AAK1: variants seen among roughly 807,000 people sequenced by gnomAD.
AAK1 encodes AP2 associated kinase 1, also known as AP2-associated protein kinase 1.
A neutral mutation model predicts 116.0 loss-of-function variants in AAK1; 37 were observed. The ratio of observed to expected loss-of-function variants is 0.32; its 90% CI spans 0.25 to 0.42. The LOEUF (loss-of-function observed/expected upper bound fraction) is 0.42, where lower values mean the gene tolerates loss of function less well. Among genes scored for constraint, AAK1 ranks in the 10% least tolerant of loss-of-function variants. The pLI, the probability that AAK1 is intolerant of heterozygous loss-of-function variation, is 1.00. For missense variants in AAK1, 919 were observed against 1,170.6 expected (o/e 0.79, Z 3.14); for synonymous variants, 458 against 439.9 (o/e 1.04, Z -0.51).
intron 5 of AAK1, among the ~76,000 whole-genome samples, chr2:69,538,362 C>G (rs948493081): frequency 1.3e-5 from 2 of 152,174 alleles, no homozygotes; most frequent in African/African-American, 2.4e-5. Flanking sequence ...GGCTGGGGCC[C>G]GCTGCCTTAG....
intron 3 of AAK1, among the ~76,000 whole-genome samples, chr2:69,546,036 A>G (rs1670911266): frequency 1.3e-5 from 2 of 152,116 alleles, no homozygotes; most frequent in Admixed American, 6.6e-5. Flanking sequence ...ATTGACGGAA[A>G]AAGTCCTATA....
At chr2:69,482,360 A>C (rs992068852) in intron 18 of AAK1, 22 of 517,512 alleles carry the variant, frequency 4.3e-5, no homozygotes, top group Admixed American at 2.6e-4. Context: ...CTCAAACAAA[A>C]AAAAAAAAAA....
chr2:69,568,425 C>CTTTTTTTTT lies in AAK1; in HGVS notation c.164-11456_164-11448dup, dbSNP rs61271799. Among the ~76,000 whole-genome samples, 9 of 122,202 alleles carry CTTTTTTTTT rather than the reference C, an allele frequency of 7.4e-5. No homozygotes were observed. In the South Asian group the frequency reaches 8.1e-4, roughly 11 times the overall value. The allele number at this position is 122,202 out of a possible 152,430, so 80.2% of individuals were successfully genotyped here. On this transcript the variant is annotated intron_variant, in intron 2 of 21. Transcript: ENST00000409085. Reference sequence around the variant, plus strand: ...ATCAAAGGTATATAAATGTTTTCAACTTTTTTTTTTTTTTTTTTTTTTTAA... The same window carrying CTTTTTTTTT: ...ATCAAAGGTATATAAATGTTTTCAACTTTTTTTTTTTTTTTTTTTTTTTTTTTTTTTTAA...
chr2:69,481,036 A>G, intron 18 of AAK1, 75 bp from the exon 19 acceptor site: 1 of 1,236,770 alleles, frequency 8.1e-7, no homozygotes, highest in Non-Finnish European at 1.1e-6. Flanking sequence ...AAATTCTGTG[A>G]AGCTTTCTTC....
chr2:69,531,823 C>T (rs1670270899), intron 6 of AAK1: 5 of 1,261,296 alleles, frequency 4.0e-6, no homozygotes, highest in Non-Finnish European at 5.1e-6. Context: ...TGATAAAGTG[C>T]TCTAAGAGTC....
chr2:69,575,461 C>CA (rs1190898228), intron 2 of AAK1, among the ~76,000 whole-genome samples: 15 of 147,358 alleles, frequency 1.0e-4, no homozygotes, highest in African/African-American at 3.7e-4. Flanking sequence ...CCAAGATAAA[C>CA]AAATTTTTTT....
At chr2:69,520,358 CTTTTTT>C (rs71397334) in intron 11 of AAK1, among the ~76,000 whole-genome samples, 1 of 127,418 alleles carries the variant, frequency 7.8e-6, no homozygotes, top group Admixed American at 8.0e-5. Context: ...CAATTCTTTT[CTTTTTT>C]TTTTTTTTTT....
At chr2:69,509,161 T>A (rs527801865) in intron 14 of AAK1, 70 bp downstream of exon 14, 1 of 1,316,812 alleles carries the variant, frequency 7.6e-7, no homozygotes, top group Non-Finnish European at 1.1e-6. Context: ...ATGCAAAGAA[T>A]CACACACTAA....
intron 2 of AAK1, among the ~76,000 whole-genome samples, chr2:69,631,616 T>G (rs1675177493): frequency 6.6e-6 from 1 of 152,252 alleles, no homozygotes; most frequent in Admixed American, 6.5e-5. Context: ...CAGGAACTTG[T>G]CCTCTGCCAA....
At chr2:69,478,019 G>A (rs1231427082) in intron 20 of AAK1, among the ~76,000 whole-genome samples, 1 of 152,220 alleles carries the variant, frequency 6.6e-6, no homozygotes, top group East Asian at 1.9e-4. Context: ...AGCTACCTCT[G>A]TCCAGGATTT....
In AAK1 at chr2:69,467,761, A is replaced by T. The variant is rs920246459; in HGVS notation, c.*8108T>A. On this transcript the variant is annotated 3_prime_UTR_variant, in exon 22 of 22. Coordinates refer to ENST00000409085, the MANE Select transcript of AAK1 (RefSeq NM_014911.5). ...ATCCCCTGCTAAAGTTTCTGCATGA[A>T]TTAAGCACACAGACCACAGCAGAAG... is the stretch of plus-strand genomic sequence containing the variant. 1 of 985,456 alleles carries T rather than the reference A, an allele frequency of 1.0e-6. No homozygotes were observed. The allele number at this position is 985,456 out of a possible 1,614,324, so 61.0% of individuals were successfully genotyped here.
chr2:69,508,566 G>A (rs903036196), intron 14 of AAK1, among the ~76,000 whole-genome samples: 32 of 152,174 alleles, frequency 2.1e-4, no homozygotes, highest in African/African-American at 7.0e-4. Flanking sequence ...CATTGTCTTG[G>A]AGAACTCACA....
At chr2:69,560,339 T>C (rs947629567) in intron 2 of AAK1, among the ~76,000 whole-genome samples, 1 of 152,228 alleles carries the variant, frequency 6.6e-6, no homozygotes, top group Admixed American at 6.5e-5. Flanking sequence ...TTCAGGCTAT[T>C]ACGGAAGGAG....
chr2:69,518,227 A>G (rs1347622862), intron 12 of AAK1, among the ~76,000 whole-genome samples: 1 of 152,200 alleles, frequency 6.6e-6, no homozygotes, highest in Non-Finnish European at 1.5e-5. Context: ...CCAACTAAAT[A>G]CAATCTGTTA....
intron 1 of AAK1, 129 bp downstream of exon 1, chr2:69,643,446 C>G (rs545861787): frequency 8.4e-7 from 1 of 1,191,190 alleles, no homozygotes; most frequent in South Asian, 4.2e-5. Flanking sequence ...ACCCGGGACC[C>G]CCGAGCCGGG....
Position 69,589,365 on chromosome 2 carries a change from C to T in AAK1, c.164-32387G>A, listed in dbSNP as rs540456535. On this transcript the variant is annotated intron_variant, in intron 2 of 21. Transcript: ENST00000409085. Reference sequence around the variant, plus strand: ...TAGAAAGATCAGCAGGAAAAGGAGTCCTAGGGGCTGTGAACAGAATAGATG... The same window carrying T: ...TAGAAAGATCAGCAGGAAAAGGAGTTCTAGGGGCTGTGAACAGAATAGATG... Among the ~76,000 whole-genome samples the T allele has an allele frequency of 3.9e-5, 6 of 152,174 alleles. No homozygotes were observed. In the East Asian group the frequency reaches 1.2e-3, roughly 29 times the overall value.
In AAK1 at chr2:69,470,561, T is replaced by C; in HGVS notation, c.*5308A>G. On this transcript the variant is annotated 3_prime_UTR_variant, in exon 22 of 22. Coordinates refer to ENST00000409085, the MANE Select transcript of AAK1 (RefSeq NM_014911.5). ...CAATTAAATGAGTGAGTTTTCTCACTGGGGATAAAATTATTCTTGCCAACA... is the reference window on the plus strand; with the variant it reads ...CAATTAAATGAGTGAGTTTTCTCACCGGGGATAAAATTATTCTTGCCAACA... The C allele has an allele frequency of 1.0e-6, 1 of 985,420 alleles. No homozygotes were observed. 61.0% of individuals were successfully genotyped at this position (985,420 alleles called of 1,614,324 possible).
rs904769305 is a variant in AAK1, at chr2:69,470,887, T to C, written c.*4982A>G. 4.1e-6 allele frequency: 4 copies of C among 985,702 alleles called. No homozygotes were observed. The highest frequency in any genetic ancestry group is 4.8e-6 in the Non-Finnish European group (4 of 829,882). The allele number at this position is 985,702 out of a possible 1,614,324, so 61.1% of individuals were successfully genotyped here. On this transcript the variant is annotated 3_prime_UTR_variant, in exon 22 of 22. Transcript: ENST00000409085. ...TTCAGCTCAGGAAAAGAGCAACTTA[T>C]TTTAAGTTATTTACATCTCTAAACA...
chr2:69,578,228 A>G (rs1254303714), intron 2 of AAK1, among the ~76,000 whole-genome samples: 1 of 152,204 alleles, frequency 6.6e-6, no homozygotes, highest in Admixed American at 6.5e-5. Context: ...AGTGCGGAAA[A>G]TGTTTTCAGT....
Sources: allele counts gnomAD v4.1 joint callset (sites outside exome capture counted in the v4.1 genomes callset), GRCh38; gene constraint gnomAD v4.1.1; transcripts MANE v1.5; gene names NCBI Gene and HGNC (gene_info 2026-07-23, HGNC 2026-07-21).